Variants in ZNF487 observed in about 807,000 individuals in gnomAD.
ZNF487 encodes the protein zinc finger protein 487, also known as KRAB domain only 1.
In ZNF487, 4 loss-of-function variants were observed where a neutral mutation model predicts 3.0. The ratio of observed to expected loss-of-function variants is 1.35; its 90% CI spans 0.66 to 3.08. The LOEUF is 3.08. Ranked by LOEUF, ZNF487 falls within the 30% of genes most tolerant of loss-of-function variation. The pLI is 0.01. For synonymous variants in ZNF487, 55 were observed against 34.6 expected, an observed-to-expected ratio of 1.59 and a Z score of -2.06; for missense variants, 146 against 98.7, an observed-to-expected ratio of 1.48 and a Z score of -2.03.
chr10:43,461,797 T>G (rs900388527), intron 1 of ZNF487, among the ~76,000 whole-genome samples: 2 of 152,228 alleles, frequency 1.3e-5, no homozygotes, highest in African/African-American at 4.8e-5. Context: ...TTTAAAATTA[T>G]AGATTTAATT....
At chr10:43,518,857 C>T in the ZNF487 span, among the ~76,000 whole-genome samples, 2 of 152,314 alleles carry the variant, frequency 1.3e-5, no homozygotes, top group African/African-American at 4.8e-5. Context: ...CACTTTCTCA[C>T]TTGTCCCGTT....
At chr10:43,463,462 C>T (rs1220740929) in intron 1 of ZNF487, among the ~76,000 whole-genome samples, 3 of 151,744 alleles carry the variant, frequency 2.0e-5, no homozygotes, top group Non-Finnish European at 2.9e-5. Flanking sequence ...TGCTTGAACC[C>T]GGGAGGCTAA....
chr10:43,477,000 G>A (rs1316283368), intron 3 of ZNF487, among the ~76,000 whole-genome samples: 1 of 151,974 alleles, frequency 6.6e-6, no homozygotes, highest in East Asian at 1.9e-4. Flanking sequence ...GAGAAAATGG[G>A]GAGAAACAGT....
At chr10:43,465,146 C>A (rs1211490105) in intron 1 of ZNF487, among the ~76,000 whole-genome samples, 2 of 119,088 alleles carry the variant, frequency 1.7e-5, no homozygotes, top group Non-Finnish European at 3.5e-5. Flanking sequence ...GGGGGGCTGA[C>A]CCGCCCACCT....
At chr10:43,513,765 C>G in the ZNF487 span, among the ~76,000 whole-genome samples, 1 of 152,154 alleles carries the variant, frequency 6.6e-6, no homozygotes, top group Non-Finnish European at 1.5e-5. Context: ...TCCGGGGACC[C>G]ACTGGACCCA....
At chr10:43,436,912 C>T (rs1256011018), upstream of ZNF487, 7 of 468,980 alleles carry the variant, frequency 1.5e-5, no homozygotes, top group Non-Finnish European at 3.1e-5. Context: ...CGGACTGCGC[C>T]GTGTCTTCCT....
chr10:43,520,323 C>A, the ZNF487 span, among the ~76,000 whole-genome samples: 1 of 151,912 alleles, frequency 6.6e-6, no homozygotes, highest in African/African-American at 2.4e-5. Flanking sequence ...TACTCTTTTA[C>A]ATTTATTCAC....
intron 1 of ZNF487, among the ~76,000 whole-genome samples, chr10:43,456,774 T>G (rs1449395249): frequency 2.0e-5 from 3 of 151,992 alleles, no homozygotes; most frequent in African/African-American, 7.2e-5. Flanking sequence ...GAAGATAGAT[T>G]TTCACCATGT....
At chr10:43,517,096 A>T in the ZNF487 span, among the ~76,000 whole-genome samples, 1 of 152,258 alleles carries the variant, frequency 6.6e-6, no homozygotes, top group African/African-American at 2.4e-5. Context: ...CTGAGAAGAT[A>T]CTTTTGACAC....
intron 1 of ZNF487, among the ~76,000 whole-genome samples, chr10:43,460,014 G>A (rs1288754476): frequency 6.6e-6 from 1 of 151,772 alleles, no homozygotes; most frequent in Non-Finnish European, 1.5e-5. Flanking sequence ...GTGTCAGCCA[G>A]GATGGTCTCG....
the ZNF487 span, among the ~76,000 whole-genome samples, chr10:43,488,495 A>G: frequency 6.6e-6 from 1 of 152,230 alleles, no homozygotes; most frequent in Non-Finnish European, 1.5e-5. Flanking sequence ...AACTGGTCAT[A>G]AAAGTGATTA....
chr10:43,455,783 G>C (rs1840176476), intron 1 of ZNF487, among the ~76,000 whole-genome samples: 1 of 152,258 alleles, frequency 6.6e-6, no homozygotes, highest in South Asian at 2.1e-4. Context: ...TGGCGCGTAG[G>C]AGACAGCGCG....
At chr10:43,450,895 C>T (rs1219052163) in intron 1 of ZNF487, among the ~76,000 whole-genome samples, 1 of 152,142 alleles carries the variant, frequency 6.6e-6, no homozygotes, top group Non-Finnish European at 1.5e-5. Context: ...ACTAGTAATA[C>T]ATTTGGAGCC....
At chr10:43,446,708 G>A (rs1271178376) in intron 1 of ZNF487, among the ~76,000 whole-genome samples, 3 of 150,914 alleles carry the variant, frequency 2.0e-5, no homozygotes, top group African/African-American at 4.9e-5. Context: ...TCACTTCCCA[G>A]ACTGGGCTGC....
the ZNF487 span, among the ~76,000 whole-genome samples, chr10:43,511,904 C>G: frequency 6.6e-6 from 1 of 152,200 alleles, no homozygotes; most frequent in Non-Finnish European, 1.5e-5. Flanking sequence ...CCACACACCT[C>G]TTCCCCAAGT....
the ZNF487 span, among the ~76,000 whole-genome samples, chr10:43,498,103 T>A: frequency 0.22 from 2,921 of 13,098 alleles, 249 homozygotes; most frequent in East Asian, 0.33. Context: ...ATATATATTT[T>A]TTTTTTTTTT....
chr10:43,508,709 A>G, the ZNF487 span, among the ~76,000 whole-genome samples: 135,858 of 152,190 alleles, frequency 0.89, 60,689 homozygotes, highest in East Asian at 1. Flanking sequence ...AGCCAGGTGT[A>G]GTGGTGCATG....
At chr10:43,447,985 ATT>A (rs71016768) in intron 1 of ZNF487, among the ~76,000 whole-genome samples, 114 of 100,130 alleles carry the variant, frequency 1.1e-3, no homozygotes, top group African/African-American at 3.3e-3. Context: ...CTTGGAAACC[ATT>A]TTTTTTTTTT....
At chr10:43,517,188 C>T in the ZNF487 span, among the ~76,000 whole-genome samples, 2 of 152,248 alleles carry the variant, frequency 1.3e-5, no homozygotes, top group African/African-American at 4.8e-5. Flanking sequence ...CTTGCCACCT[C>T]TGTTAAATTC....
Sources: allele counts gnomAD v4.1 joint callset (sites outside exome capture counted in the v4.1 genomes callset), GRCh38; gene constraint gnomAD v4.1.1; transcripts MANE v1.5; gene names NCBI Gene and HGNC (gene_info 2026-07-23, HGNC 2026-07-21).